Variants in ITGAX observed in about 807,000 individuals in gnomAD.
The protein encoded by ITGAX is integrin alpha-X.
Under a neutral mutation model 140.2 loss-of-function variants are expected in ITGAX, and 99 were observed. The ratio of observed to expected loss-of-function variants is 0.71; its 90% confidence interval spans 0.60 to 0.83. The LOEUF (loss-of-function observed/expected upper bound fraction) is 0.83, where lower values mean the gene tolerates loss of function less well. Ranked by LOEUF, ITGAX falls within the 40% of genes least tolerant of loss-of-function variation. ITGAX has a pLI of 0.00. For synonymous variants in ITGAX, 631 were observed against 600.4 expected, an observed-to-expected ratio of 1.05 and a Z score of -0.75; for missense variants, 1,444 against 1,482.0, an observed-to-expected ratio of 0.97 and a Z score of 0.42.
chr16:31,378,772 A>G (rs75574587), intron 23 of ITGAX, among the ~76,000 whole-genome samples: 2 of 150,770 alleles, frequency 1.3e-5, no homozygotes, highest in East Asian at 3.9e-4. Context: ...CACTCAGCCA[A>G]TTAGCACTTG....
Position 31,355,218 on chromosome 16 carries a change from C to T in ITGAX, c.-37C>T, listed in dbSNP as rs917159003. On this transcript the variant is annotated 5_prime_UTR_variant, in exon 1 of 30. Transcript: ENST00000268296. ...CTTGGTCCAGCTCTTCCTGCAACGGCCCAGGAGCTCAGAGCTCCACATCTG... is the reference window on the plus strand; with the variant it reads ...CTTGGTCCAGCTCTTCCTGCAACGGTCCAGGAGCTCAGAGCTCCACATCTG... The T allele has an allele frequency of 5.6e-6, 9 of 1,612,504 alleles. No homozygotes were observed. In the African/African-American group the frequency reaches 8.0e-5, roughly 14 times the overall value.
chr16:31,363,346 G>A lies in ITGAX; in HGVS notation c.1682G>A (p.Gly561Glu). The A allele has an allele frequency of 6.2e-7, 1 of 1,613,988 alleles. No individual in the cohort carries two copies. The highest frequency in any genetic ancestry group is 1.1e-5 in the South Asian group (1 of 91,082). ...GTCTACCTGTTTCACGGAGTCTTGGGACCCAGCATCAGCCCCTCCCACAGC... is the reference window on the plus strand; with the variant it reads ...GTCTACCTGTTTCACGGAGTCTTGGAACCCAGCATCAGCCCCTCCCACAGC... The part of the protein sequence containing the change: ...GAVYLFHGVL[G>E]PSISPSHSQR... The change falls in exon 14 of 30, where the codon GGA (glycine) becomes GAA (glutamate). Residue 561 changes from glycine (G) to glutamate (E), a missense_variant. By Grantham distance (98) the Gly-to-Glu change is moderately conservative. Coordinates refer to ENST00000268296, the MANE Select transcript of ITGAX (RefSeq NM_000887.5).
chr16:31,379,046 C>G (rs1379638682), intron 23 of ITGAX, among the ~76,000 whole-genome samples: 1 of 151,826 alleles, frequency 6.6e-6, no homozygotes, highest in Non-Finnish European at 1.5e-5. Context: ...GAACTCCCGA[C>G]CTCAGGTGAT....
rs2081083255 is a variant in ITGAX, at chr16:31,382,981, T to TA, written c.*1080dup. On this transcript the variant is annotated 3_prime_UTR_variant, in exon 30 of 30. Coordinates refer to ENST00000268296, the MANE Select transcript of ITGAX (RefSeq NM_000887.5). ...GGGAAATATGTCAAAGGTCTAAAAA[T>TA]AAAAAAGCCTTCTGTGGATATGAGT... is the stretch of plus-strand genomic sequence containing the variant. The TA allele has an allele frequency of 6.2e-6, 1 of 161,012 alleles. No homozygotes were observed. The highest frequency in any genetic ancestry group is 6.2e-5 in the Admixed American group (1 of 16,102). The allele number at this position is 161,012 out of a possible 1,614,324, so 10.0% of individuals were successfully genotyped here.
rs199981036 is a variant in ITGAX at position 31,377,277 on chromosome 16, C to T, written c.2789+12C>T. On this transcript the variant is annotated intron_variant, in intron 23 of 29. Coordinates refer to ENST00000268296, the MANE Select transcript of ITGAX (RefSeq NM_000887.5). ...ACTGTGGTTAGCAGGTCAGCAGGTA[C>T]CCCACTGCAGGAAAAAGGGTTCTTC... is the stretch of plus-strand genomic sequence containing the variant. The T allele has an allele frequency of 5.3e-4, 850 of 1,602,404 alleles. 1 individual carries two copies. The highest frequency in any genetic ancestry group is 2.4e-3 in the Admixed American group (138 of 57,830).
In ITGAX at chr16:31,381,785, C is replaced by G. The variant is rs760552510; in HGVS notation, c.3388-18C>G. On this transcript the variant is annotated intron_variant, in intron 29 of 29. Transcript: ENST00000268296. ...ACTGAATGGGCTTCCTGAGTTTCTT[C>G]TTCGTCCTCCCCCCTAGGTTGGCTT... The G allele has an allele frequency of 1.1e-6, 1 of 871,354 alleles. No individual in the cohort carries two copies. The highest frequency in any genetic ancestry group is 2.0e-6 in the Non-Finnish European group (1 of 500,816). 54.0% of individuals were successfully genotyped at this position (871,354 alleles called of 1,614,324 possible).
intron 14 of ITGAX, among the ~76,000 whole-genome samples, chr16:31,370,486 A>G (rs1165447810): frequency 2.0e-5 from 3 of 151,960 alleles, no homozygotes; most frequent in Non-Finnish European, 4.4e-5. Flanking sequence ...CAAAAAGGGG[A>G]CTTGGGCCTG....
intron 17 of ITGAX, 126 bp downstream of exon 17, chr16:31,371,910 G>A (rs1597077458): frequency 7.1e-6 from 8 of 1,131,796 alleles, no homozygotes; most frequent in Admixed American, 2.6e-5. Flanking sequence ...CATGCAGGAC[G>A]TGCTTACTGC....
In ITGAX at chr16:31,360,332, T is replaced by C. The variant is rs770743678; in HGVS notation, c.730T>C (p.Tyr244His). The part of the protein sequence containing the change: ...NVVHRLFHAS[Y>H]GARRDAAKIL... ...TAGGCACCGATTGTTCCATGCCTCATATGGGGCCCGTAGGGATGCCGCCAA... is the reference window on the plus strand; with the variant it reads ...TAGGCACCGATTGTTCCATGCCTCACATGGGGCCCGTAGGGATGCCGCCAA... Residue 244 changes from tyrosine to histidine, a missense_variant, in exon 8 of 30, where the codon TAT becomes CAT. Coordinates refer to ENST00000268296, the MANE Select transcript of ITGAX (RefSeq NM_000887.5). 7 of 1,613,410 alleles carry C rather than the reference T, an allele frequency of 4.3e-6. No individual in the cohort carries two copies. The highest frequency in any genetic ancestry group is 1.7e-5 in the Admixed American group (1 of 59,910).
In ITGAX at chr16:31,376,838, A is replaced by G; in HGVS notation, c.2548A>G (p.Ser850Gly). Residue 850 changes from serine (S) to glycine (G), a missense_variant, in exon 21 of 30, where the codon AGC (serine) becomes GGC (glycine). Coordinates refer to ENST00000268296, the MANE Select transcript of ITGAX (RefSeq NM_000887.5). ...GCGTTCCCTGCACCTGACATGTGAC[A>G]GCGCCCCAGTTGGGAGCCAGGGCAC... ...QLRSLHLTCD[S>G]APVGSQGTWS... The G allele has an allele frequency of 1.2e-6, 2 of 1,614,214 alleles. No homozygotes were observed. Among genetic ancestry groups the G allele is most frequent in the Non-Finnish European group, 1.7e-6 (2 of 1,180,046 alleles).
At chr16:31,356,600 TA>T in intron 2 of ITGAX, 24 bp from the exon 3 acceptor site, 1 of 1,544,364 alleles carries the variant, frequency 6.5e-7, no homozygotes, top group Non-Finnish European at 8.8e-7. Context: ...CACTCTTACC[TA>T]AAGTGTTCTT....
intron 20 of ITGAX, among the ~76,000 whole-genome samples, chr16:31,374,189 C>T (rs967301737): frequency 1.3e-5 from 2 of 151,832 alleles, no homozygotes; most frequent in South Asian, 2.1e-4. Context: ...CTGGGGAGGC[C>T]GAGGTGAGAG....
In ITGAX at chr16:31,380,379, G is replaced by C; in HGVS notation, c.3174G>C (p.Gln1058His). 1 of 1,613,912 alleles carries C rather than the reference G, an allele frequency of 6.2e-7. No homozygotes were observed. Among genetic ancestry groups the C allele is most frequent in the African/African-American group, 1.3e-5 (1 of 75,040 alleles). ...KGNLSFGWVRQILQKKVSVVS... is the reference protein window; with the variant it reads ...KGNLSFGWVRHILQKKVSVVS... ...ACCTCAGCTTTGGCTGGGTCCGCCA[G>C]GTGTGTGGGTGCAACGACAGAGCCC... Residue 1058 changes from glutamine to histidine, a missense_variant and splice_region_variant, in exon 27 of 30, where the codon CAG becomes CAC. Physicochemically the swap from Gln to His is conservative, Grantham distance 24. Transcript: ENST00000268296.
chr16:31,380,719 A>T (rs998720079), intron 28 of ITGAX, 95 bp downstream of exon 28: 3 of 1,468,764 alleles, frequency 2.0e-6, no homozygotes, highest in Non-Finnish European at 2.8e-6. Context: ...GCCTTGGGGG[A>T]GGAGGGCGAA....
At chr16:31,362,040 G>A (rs748554785) in intron 10 of ITGAX, 35 bp from the exon 11 acceptor site, 27 of 1,613,834 alleles carry the variant, frequency 1.7e-5, no homozygotes, top group Admixed American at 1.0e-4. Flanking sequence ...TTCCTGCTCC[G>A]GCCTCTGCTC....
At chr16:31,374,003 T>C (rs1443299969) in intron 20 of ITGAX, among the ~76,000 whole-genome samples, 2 of 152,192 alleles carry the variant, frequency 1.3e-5, no homozygotes, top group Non-Finnish European at 2.9e-5. Flanking sequence ...AAAGATGTTA[T>C]TATGGCTGGG....
At chr16:31,381,726 C>G in intron 29 of ITGAX, 77 bp from the exon 30 acceptor site, 2 of 815,444 alleles carry the variant, frequency 2.5e-6, no homozygotes, top group Admixed American at 1.8e-5. Context: ...AAATAGTGAC[C>G]CCTCTCCCTC....
intron 20 of ITGAX, among the ~76,000 whole-genome samples, chr16:31,375,958 T>C (rs749947846): frequency 2.0e-5 from 3 of 152,246 alleles, no homozygotes; most frequent in Non-Finnish European, 4.4e-5. Flanking sequence ...AGTATATTGG[T>C]ATATTAAGGA....
At chr16:31,359,659 A>G in intron 5 of ITGAX, 41 bp from the exon 6 acceptor site, 1 of 1,609,154 alleles carries the variant, frequency 6.2e-7, no homozygotes, top group African/African-American at 1.3e-5. Context: ...CCTGGACTCC[A>G]GGAGTGTCAC....
Sources: allele counts gnomAD v4.1 joint callset (sites outside exome capture counted in the v4.1 genomes callset), GRCh38; gene constraint gnomAD v4.1.1; transcripts MANE v1.5; gene names NCBI Gene and HGNC (gene_info 2026-07-23, HGNC 2026-07-21).